The following BCOR variants were observed in gnomAD, a reference collection of about 807,000 sequenced individuals.
BCOR encodes BCL6 corepressor, also known as BCL-6 corepressor.
A neutral mutation model predicts 86.7 loss-of-function variants in BCOR; 10 were observed. That is an observed-to-expected ratio of 0.12 (90% CI 0.07 to 0.20). The LOEUF (loss-of-function observed/expected upper bound fraction) is 0.20. BCOR is among the 10% of genes least tolerant of loss of function. BCOR has a pLI of 1.00. For missense variants in BCOR, 1,259 were observed against 1,452.1 expected, an observed-to-expected ratio of 0.87 and a Z score of 2.16; for synonymous variants, 611 against 609.0, an observed-to-expected ratio of 1.00 and a Z score of -0.05.
chrX:40,104,868 G>C (rs1355048457), intron 1 of BCOR, among the ~76,000 whole-genome samples: 2 of 112,089 alleles, frequency 1.8e-5, no homozygotes, highest in Non-Finnish European at 3.8e-5. Context: ...CGTCCCATTA[G>C]TCAGCCCGAG....
intron 1 of BCOR, among the ~76,000 whole-genome samples, chrX:40,123,795 TTGTGTGTGTGTG>T (rs59910543): frequency 9.6e-6 from 1 of 103,986 alleles, no homozygotes; most frequent in African/African-American, 3.6e-5. Flanking sequence ...GGTTTCCTGG[TTGTGTGTGTGTG>T]TGTGTGTGTG....
At chrX:40,109,661 C>T (rs1344471977) in intron 1 of BCOR, among the ~76,000 whole-genome samples, 2 of 112,054 alleles carry the variant, frequency 1.8e-5, no homozygotes, top group African/African-American at 6.5e-5. Context: ...TCCCCAGGTT[C>T]TACAGCCACC....
intron 1 of BCOR, among the ~76,000 whole-genome samples, chrX:40,145,282 C>G (rs936378883): frequency 1.9e-4 from 21 of 111,887 alleles, no homozygotes; most frequent in African/African-American, 6.8e-4. Context: ...ACCTTCCGCG[C>G]GAACCCGCGG....
intron 1 of BCOR, among the ~76,000 whole-genome samples, chrX:40,175,349 G>A (rs1242501054): frequency 8.8e-6 from 1 of 113,316 alleles, no homozygotes; most frequent in Non-Finnish European, 1.9e-5. Context: ...CGGGCCCGGC[G>A]GCCGCCCAGC....
chrX:40,072,995 T>C lies in BCOR; in HGVS notation c.2351A>G (p.Asn784Ser), dbSNP rs762494676. The change falls in exon 4 of 15, where the codon AAC (asparagine) becomes AGC (serine). Residue 784 changes from asparagine to serine, a missense_variant. Asn to Ser is a conservative substitution (Grantham distance 46). Coordinates refer to ENST00000378444, the MANE Select transcript of BCOR (RefSeq NM_001123385.2). ...KLHPDVPTDK[N>S]LKPNPNWNQG... ...ATTCCAGTTGGGGTTCGGCTTTAGG[T>C]TCTTGTCGGTGGGGACATCTGGATG... The C allele has an allele frequency of 1.2e-5, 15 of 1,210,547 alleles. No individual in the cohort carries two copies. In the South Asian group the frequency reaches 2.5e-4, roughly 20 times the overall value.
chrX:40,077,936 T>C lies in BCOR; in HGVS notation c.-7A>G. ...GGGGGGTTGCTGAGAGCATGTCGTC[T>C]TCTGGGATGGCAGCTTTGCTTCAAG... On this transcript the variant is annotated 5_prime_UTR_variant, in exon 2 of 15. Transcript: ENST00000378444. 1 of 1,196,569 alleles carries C rather than the reference T, an allele frequency of 8.4e-7. No homozygotes were observed. The highest frequency in any genetic ancestry group is 3.0e-5 in the East Asian group (1 of 33,826).
intron 1 of BCOR, among the ~76,000 whole-genome samples, chrX:40,110,062 A>G: frequency 8.9e-6 from 1 of 112,577 alleles, no homozygotes; most frequent in Non-Finnish European, 1.9e-5. Context: ...CATTTAATGA[A>G]TTCACCCGGG....
chrX:40,123,013 C>T (rs1463572943), intron 1 of BCOR, among the ~76,000 whole-genome samples: 1 of 111,164 alleles, frequency 9.0e-6, no homozygotes, highest in Non-Finnish European at 1.9e-5. Context: ...CATCTGACCT[C>T]GTTCCTGGGC....
At chrX:40,133,594 G>GGAC (rs1322204759) in intron 1 of BCOR, among the ~76,000 whole-genome samples, 1 of 110,864 alleles carries the variant, frequency 9.0e-6, no homozygotes, top group African/African-American at 3.3e-5. Flanking sequence ...CGCATAGCTG[G>GGAC]GACTACAGGC....
chrX:40,090,842 G>C (rs1936578647), intron 1 of BCOR, among the ~76,000 whole-genome samples: 1 of 111,865 alleles, frequency 8.9e-6, no homozygotes, highest in Non-Finnish European at 1.9e-5. Flanking sequence ...CGAGCGTCTG[G>C]CCAGGCAGAA....
In BCOR at chrX:40,105,860, G is replaced by A. The variant is rs772396873; in HGVS notation, c.-40-27891C>T. Among the ~76,000 whole-genome samples, 10 of 112,954 alleles carry A rather than the reference G, an allele frequency of 8.9e-5. No homozygotes were observed. In the East Asian group the frequency reaches 2.5e-3, roughly 29 times the overall value. ...AAGGTCGAAGGGCCGCCACCCCTGG[G>A]ATCCGGCTTCTGGCCTGAAGAGGTC... On this transcript the variant is annotated intron_variant, in intron 1 of 14. Coordinates refer to the BCOR transcript ENST00000342274.
At chrX:40,096,934 T>G (rs1314036559) in intron 1 of BCOR, among the ~76,000 whole-genome samples, 2 of 109,713 alleles carry the variant, frequency 1.8e-5, no homozygotes, top group African/African-American at 6.6e-5. Flanking sequence ...GCGAACTCCC[T>G]GCTCTCCTCC....
rs546960508 is a variant in BCOR at position 40,110,667 on chromosome X, C to CTTTTTTTTT, written c.-40-32707_-40-32699dup. Among the ~76,000 whole-genome samples, 2 of 29,549 alleles carry CTTTTTTTTT rather than the reference C, an allele frequency of 6.8e-5. 1 individual carries two copies. The highest frequency in any genetic ancestry group is 1.4e-4 in the Non-Finnish European group (2 of 14,553). 25.7% of individuals were successfully genotyped at this position (29,549 alleles called of 115,157 possible). ...TTCTTTTTTTTCTTTTTTCCTTTTT[C>CTTTTTTTTT]TTTTTTTTTTTTTTTTTTTTTTTTT... is the stretch of plus-strand genomic sequence containing the variant. On this transcript the variant is annotated intron_variant, in intron 1 of 14. Transcript: ENST00000342274.
chrX:40,072,087 C>A, intron 4 of BCOR: 1 of 423,342 alleles, frequency 2.4e-6, no homozygotes, highest in Non-Finnish European at 4.1e-6. Flanking sequence ...CTTTAGATAC[C>A]CTTCACAATA....
intron 1 of BCOR, among the ~76,000 whole-genome samples, chrX:40,079,317 G>T (rs1433906636): frequency 1.8e-5 from 2 of 112,414 alleles, no homozygotes; most frequent in Admixed American, 1.9e-4. Context: ...TTTAGCACAC[G>T]GAGCAGACTG....
chrX:40,055,829 G>C (rs1432112784), intron 11 of BCOR, among the ~76,000 whole-genome samples: 2 of 102,044 alleles, frequency 2.0e-5, no homozygotes, highest in East Asian at 3.3e-4. Context: ...TTGCGGGGGT[G>C]GGGGTGGGGG....
intron 1 of BCOR, among the ~76,000 whole-genome samples, chrX:40,108,872 C>G (rs760658481): frequency 8.8e-6 from 1 of 113,358 alleles, no homozygotes; most frequent in East Asian, 2.8e-4. Flanking sequence ...AGCCCCGGTT[C>G]GCTCTGGCTC....
chrX:40,113,807 T>G (rs893244548), intron 1 of BCOR, among the ~76,000 whole-genome samples: 2 of 101,047 alleles, frequency 2.0e-5, no homozygotes, highest in African/African-American at 9.4e-5. Context: ...CCTAATACTT[T>G]TTTTTTCTTT....
intron 1 of BCOR, among the ~76,000 whole-genome samples, chrX:40,108,017 G>A (rs1363600593): frequency 3.5e-5 from 4 of 112,967 alleles, no homozygotes; most frequent in Non-Finnish European, 7.5e-5. Context: ...AACTCCTTCG[G>A]CGGCCTGGGC....
Sources: gnomAD v4.1 joint callset for allele counts (sites outside exome capture counted in the v4.1 genomes callset) on GRCh38, gnomAD v4.1.1 for gene constraint, MANE v1.5 for transcripts, NCBI Gene and HGNC (gene_info 2026-07-23, HGNC 2026-07-21) for gene names.